The following PRR11 variants were observed in gnomAD, a reference collection of about 807,000 sequenced individuals.
The protein encoded by PRR11 is proline-rich protein 11.
Under a neutral mutation model 45.6 loss-of-function variants are expected in PRR11, and 30 were observed. The observed-to-expected ratio is 0.66, with a 90% CI of 0.49 to 0.89. The LOEUF is 0.89. Ranked by LOEUF, PRR11 falls within the 40% of genes least tolerant of loss-of-function variation. The pLI, the probability that PRR11 is intolerant of heterozygous loss-of-function variation, is 0.00. For synonymous variants in PRR11, 128 were observed against 153.5 expected (o/e 0.83, Z 1.23); for missense variants, 373 against 424.8 (o/e 0.88, Z 1.07).
chr17:59,160,989 C>T (rs2046648862), intron 1 of PRR11: 1 of 152,088 alleles, frequency 6.6e-6, no homozygotes, highest in African/African-American at 2.4e-5. Context: ...CTCCCACCTC[C>T]ACCTCAGCCT....
At chr17:59,181,011 A>G (rs2046782408) in intron 2 of PRR11, among the ~76,000 whole-genome samples, 1 of 151,112 alleles carries the variant, frequency 6.6e-6, no homozygotes, top group African/African-American at 2.5e-5. Flanking sequence ...TTTTTTTGAG[A>G]CAGAGTCTCT....
chr17:59,194,178 G>A (rs899459761), intron 5 of PRR11, among the ~76,000 whole-genome samples: 3 of 151,832 alleles, frequency 2.0e-5, no homozygotes, highest in African/African-American at 7.3e-5. Context: ...CACTAAGACA[G>A]GCATGACCCT....
intron 2 of PRR11, among the ~76,000 whole-genome samples, chr17:59,177,807 A>G (rs2046756488): frequency 6.6e-6 from 1 of 152,168 alleles, no homozygotes; most frequent in African/African-American, 2.4e-5. Flanking sequence ...AGTGAGTCCA[A>G]CAGTTCTAGA....
At chr17:59,182,079 G>A (rs1217273111) in intron 2 of PRR11, among the ~76,000 whole-genome samples, 1 of 150,574 alleles carries the variant, frequency 6.6e-6, no homozygotes, top group Non-Finnish European at 1.5e-5. Context: ...CCGGGCTGGA[G>A]TGTAGTGGTG....
Position 59,195,382 on chromosome 17 carries a change from C to T in PRR11, c.796C>T (p.Gln266Ter). The T allele has an allele frequency of 2.5e-6, 4 of 1,614,002 alleles. No individual in the cohort carries two copies. Among genetic ancestry groups the T allele is most frequent in the Non-Finnish European group, 3.4e-6 (4 of 1,179,950 alleles). The stretch of plus-strand genomic sequence containing the variant: ...TCCACTAGTTACCGTCTCTGACTTG[C>T]AGCATGTTACCCTGAAACCTAACTC... ...RNPLVTVSDL[Q>*]HVTLKPNSKV... The change falls in exon 7 of 10, where the codon CAG (glutamine) becomes TAG (stop). Residue 266 changes from glutamine (Q) to a stop codon, truncating the protein, a stop_gained. Transcript: ENST00000262293. LOFTEE classifies it high-confidence loss of function.
At position 59,181,985 on chromosome 17, in the gene PRR11, C is replaced by T. The variant is rs145436055; in HGVS notation, c.129-3069C>T. Among the ~76,000 whole-genome samples, 471 of 149,848 alleles carry T rather than the reference C, an allele frequency of 3.1e-3. 10 individuals are homozygous for T. The highest frequency in any genetic ancestry group is 0.011 in the African/African-American group (455 of 39,704). On this transcript the variant is annotated intron_variant, in intron 2 of 9. Coordinates refer to ENST00000262293, the MANE Select transcript of PRR11 (RefSeq NM_018304.4). ...CTTCATGTCCTTCCCTGGTCCCTGG[C>T]TCTCTGAGTCCCTCCTTTTTTGCTT...
At position 59,163,159 on chromosome 17, in the gene PRR11, C is replaced by T. The variant is rs193040443; in HGVS notation, c.-5-6589C>T. Among the ~76,000 whole-genome samples, 121 of 152,100 alleles carry T rather than the reference C, an allele frequency of 8.0e-4. 1 individual carries two copies. Among genetic ancestry groups the T allele is most frequent in the Middle Eastern group, 3.4e-3 (1 of 294 alleles). ...AGGCTGGAGTGCAGTGGCACAATCT[C>T]GGCTCACTGCAACCTCTGCCTCCCG... is the stretch of plus-strand genomic sequence containing the variant. On this transcript the variant is annotated intron_variant, in intron 1 of 9. Coordinates refer to ENST00000262293, the MANE Select transcript of PRR11 (RefSeq NM_018304.4).
intron 2 of PRR11, among the ~76,000 whole-genome samples, chr17:59,174,359 C>T (rs2046730443): frequency 6.6e-6 from 1 of 152,226 alleles, no homozygotes. Context: ...ATGATGAAGT[C>T]TCATGCTCTG....
chr17:59,183,161 G>A (rs1315949776), intron 2 of PRR11, among the ~76,000 whole-genome samples: 1 of 152,144 alleles, frequency 6.6e-6, no homozygotes, highest in South Asian at 2.1e-4. Context: ...GGAGATCCTG[G>A]GTGAATGGTA....
chr17:59,179,629 T>A, intron 2 of PRR11: 1 of 1,514,792 alleles, frequency 6.6e-7, no homozygotes, highest in South Asian at 1.1e-5. Context: ...TTGGAGGTGC[T>A]CTCTGGGGTG....
In PRR11 at chr17:59,185,557, C is replaced by A. The variant is rs1460022184; in HGVS notation, c.397C>A (p.Leu133Met). ...TAAATTATGCAAGCTCCAGGAAGCA[C>A]TGAAGGTTGGTATTGTCAAATAAAA... ...ESKLCKLQEA[L>M]KTISESSSCP... The change falls in exon 4 of 10, where the codon CTG (leucine) becomes ATG (methionine). Residue 133 changes from leucine (L) to methionine (M), a missense_variant. Coordinates refer to ENST00000262293, the MANE Select transcript of PRR11 (RefSeq NM_018304.4). 5 of 1,600,512 alleles carry A rather than the reference C, an allele frequency of 3.1e-6. No individual in the cohort carries two copies. Among genetic ancestry groups the A allele is most frequent in the Non-Finnish European group, 4.3e-6 (5 of 1,175,764 alleles).
chr17:59,186,490 G>A (rs1345649684), intron 4 of PRR11, among the ~76,000 whole-genome samples: 1 of 143,738 alleles, frequency 7.0e-6, no homozygotes, highest in Non-Finnish European at 1.5e-5. Flanking sequence ...TGACCTACTG[G>A]CTCAAGGGAT....
intron 6 of PRR11, 150 bp from the exon 7 acceptor site, chr17:59,195,181 C>T (rs186088367): frequency 3.1e-6 from 2 of 641,170 alleles, no homozygotes; most frequent in African/African-American, 3.6e-5. Flanking sequence ...GAGGTAGAGA[C>T]ATCCTTTGAA....
chr17:59,162,726 CT>C (rs34124387), intron 1 of PRR11, among the ~76,000 whole-genome samples: 174 of 117,310 alleles, frequency 1.5e-3, no homozygotes, highest in East Asian at 2.6e-3. Context: ...CTTTCTCTCC[CT>C]TTTTTTTTTT....
intron 8 of PRR11, 31 bp downstream of exon 8, chr17:59,197,634 AC>A (rs2046873089): frequency 6.2e-7 from 1 of 1,611,608 alleles, no homozygotes; most frequent in African/African-American, 1.3e-5. Context: ...TATGCCTTCT[AC>A]GTCCATTTTA....
intron 7 of PRR11, among the ~76,000 whole-genome samples, chr17:59,196,367 ATTTAT>A (rs1249917254): frequency 5.3e-5 from 8 of 151,802 alleles, no homozygotes; most frequent in Admixed American, 5.3e-4. Context: ...TGTTTTATTT[ATTTAT>A]TTTTTGTATT....
intron 7 of PRR11, among the ~76,000 whole-genome samples, chr17:59,196,603 C>T (rs1427564928): frequency 6.6e-6 from 1 of 152,044 alleles, no homozygotes; most frequent in East Asian, 1.9e-4. Flanking sequence ...TCTCAAACTC[C>T]TGACCTCAAA....
chr17:59,198,117 T>C lies in PRR11; in HGVS notation c.1014+328T>C, dbSNP rs546642172. Among the ~76,000 whole-genome samples the C allele has an allele frequency of 1.2e-4, 18 of 152,112 alleles. No individual in the cohort carries two copies. In the South Asian group the frequency reaches 3.5e-3, roughly 30 times the overall value. On this transcript the variant is annotated intron_variant, in intron 9 of 9. Coordinates refer to ENST00000262293, the MANE Select transcript of PRR11 (RefSeq NM_018304.4). ...TGACAAAGCAAGACCCTGTCTCAAATAAATAATCATAATCATAATTTATGA... is the reference window on the plus strand; with the variant it reads ...TGACAAAGCAAGACCCTGTCTCAAACAAATAATCATAATCATAATTTATGA...
intron 2 of PRR11, among the ~76,000 whole-genome samples, chr17:59,179,085 G>A (rs747480642): frequency 6.6e-6 from 1 of 152,028 alleles, no homozygotes; most frequent in Non-Finnish European, 1.5e-5. Context: ...CTGCAACCTC[G>A]GCCTCCCGAG....
Sources: allele counts gnomAD v4.1 joint callset (sites outside exome capture counted in the v4.1 genomes callset), GRCh38; gene constraint gnomAD v4.1.1; transcripts MANE v1.5; gene names NCBI Gene and HGNC (gene_info 2026-07-23, HGNC 2026-07-21).